The following HMCN2 variants were observed in gnomAD, a reference collection of about 807,000 sequenced individuals.
The protein encoded by HMCN2 is hemicentin 2.
Under a neutral mutation model 377.5 loss-of-function variants are expected in HMCN2, and 325 were observed. That is an observed-to-expected ratio of 0.86 (90% CI 0.79 to 0.94). The LOEUF (loss-of-function observed/expected upper bound fraction) is 0.94. Ranked by LOEUF, HMCN2 falls within the 40% of genes least tolerant of loss-of-function variation. HMCN2 has a pLI of 0.00. For synonymous variants in HMCN2, 2,007 were observed against 2,046.8 expected (o/e 0.98, Z 0.53); for missense variants, 4,543 against 4,725.3 (o/e 0.96, Z 1.13).
Position 130,349,141 on chromosome 9 carries a change from A to T in HMCN2, c.4303+10A>T. 1 of 1,302,380 alleles carries T rather than the reference A, an allele frequency of 7.7e-7. No individual in the cohort carries two copies. The highest frequency in any genetic ancestry group is 1.0e-6 in the Non-Finnish European group (1 of 987,766). 80.7% of individuals were successfully genotyped at this position (1,302,380 alleles called of 1,614,324 possible). A position where few individuals can be genotyped will look rare whatever the true frequency, so the allele number is the denominator to read the frequency against. ...CATCTCCTTGTGCTCAGTGAGTGAG[A>T]CCTGAGCCCTGTAACTCCCAAGTGT... On this transcript the variant is annotated intron_variant, in intron 28 of 97. Coordinates refer to ENST00000683500, the MANE Select transcript of HMCN2 (RefSeq NM_001291815.2).
chr9:130,284,590 C>G lies in HMCN2; in HGVS notation c.260-13C>G, dbSNP rs376071387. The G allele has an allele frequency of 2.5e-4, 117 of 471,230 alleles. 1 individual carries two copies. The highest frequency in any genetic ancestry group is 2.0e-3 in the African/African-American group (100 of 50,236). 29.2% of individuals were successfully genotyped at this position (471,230 alleles called of 1,614,324 possible). ...TCCCAGCCCATCTGGGCGTCCCTCT[C>G]TCTTCTCCACAGATATTGGCCCAGT... On this transcript the variant is annotated splice_polypyrimidine_tract_variant and intron_variant, in intron 1 of 97. Coordinates refer to ENST00000683500, the MANE Select transcript of HMCN2 (RefSeq NM_001291815.2).
At chr9:130,431,541 T>C in intron 96 of HMCN2, 55 bp downstream of exon 96, 1 of 1,530,706 alleles carries the variant, frequency 6.5e-7, no homozygotes, top group Non-Finnish European at 8.8e-7. Context: ...GCAGGCAGCG[T>C]GGGATGGGAC....
At chr9:130,293,644 G>T (rs1835938043) in intron 4 of HMCN2, among the ~76,000 whole-genome samples, 1 of 152,034 alleles carries the variant, frequency 6.6e-6, no homozygotes, top group South Asian at 2.1e-4. Flanking sequence ...TGATAGCTCT[G>T]CCCAGGAGAT....
Position 130,423,391 on chromosome 9 carries a change from C to G in HMCN2, c.13381+665C>G, listed in dbSNP as rs1180181480. Reference sequence around the variant, plus strand: ...CTCTGAAGCTGCCCTTGGCCATGGTCCCGCATGAGCAGTGTGGGGTCAGGG... The same window carrying G: ...CTCTGAAGCTGCCCTTGGCCATGGTGCCGCATGAGCAGTGTGGGGTCAGGG... On this transcript the variant is annotated intron_variant, in intron 87 of 97. Transcript: ENST00000683500. This position sits in a 1 kb window ranked among gnomAD's most constrained non-coding sequence, Gnocchi z 5.5. Among the ~76,000 whole-genome samples, 1 of 152,152 alleles carries G rather than the reference C, an allele frequency of 6.6e-6. No homozygotes were observed. Among genetic ancestry groups the G allele is most frequent in the Non-Finnish European group, 1.5e-5 (1 of 68,020 alleles).
Position 130,422,832 on chromosome 9 carries a change from A to C in HMCN2, c.13381+106A>C. The C allele has an allele frequency of 1.0e-6, 1 of 984,492 alleles. No homozygotes were observed. Among genetic ancestry groups the C allele is most frequent in the Non-Finnish European group, 1.3e-6 (1 of 758,626 alleles). 61.0% of individuals were successfully genotyped at this position (984,492 alleles called of 1,614,324 possible). A position where few individuals can be genotyped will look rare whatever the true frequency, so the allele number is the denominator to read the frequency against. On this transcript the variant is annotated intron_variant, in intron 87 of 97. Transcript: ENST00000683500. The surrounding 1 kb of genome is among the most constrained non-coding windows in gnomAD (Gnocchi z 4.2). Reference sequence around the variant, plus strand: ...GGAGGCGCAGAGCCTGTGCCCCGAGACTTGCTCAAGGCCTGATGACCAGAG... The same window carrying C: ...GGAGGCGCAGAGCCTGTGCCCCGAGCCTTGCTCAAGGCCTGATGACCAGAG...
intron 50 of HMCN2, 40 bp downstream of exon 50, chr9:130,375,776 A>G (rs761362199): frequency 5.1e-6 from 5 of 984,340 alleles, no homozygotes; most frequent in Non-Finnish European, 6.0e-6. Context: ...GGAACAGGTG[A>G]CATGTCATCA....
At chr9:130,331,094 G>T (rs2131436016) in intron 22 of HMCN2, among the ~76,000 whole-genome samples, 1 of 151,452 alleles carries the variant, frequency 6.6e-6, no homozygotes, top group East Asian at 1.9e-4. Flanking sequence ...GGAGGTGAAG[G>T]TTGCAGTGAG....
intron 85 of HMCN2, among the ~76,000 whole-genome samples, chr9:130,415,366 C>G (rs1237386109): frequency 6.6e-6 from 1 of 152,146 alleles, no homozygotes; most frequent in African/African-American, 2.4e-5. Context: ...TTGATGGGGT[C>G]TTGCTCTGTC....
At position 130,432,511 on chromosome 9, in the gene HMCN2, G is replaced by C. The variant is rs1159595026; in HGVS notation, c.14850G>C (p.Val4950=). 6.4e-7 allele frequency: 1 copy of C among 1,550,676 alleles called. No individual in the cohort carries two copies. Among genetic ancestry groups the C allele is most frequent in the Non-Finnish European group, 8.7e-7 (1 of 1,147,012 alleles). ...ACACCCGTGGCAGCTACCAGTGTGT[G>C]GACACACCCTGTCCTGCCACCTACC... ...CFNTRGSYQC[V]DTPCPATYRQ... is the part of the protein sequence containing the mutation. The change falls in exon 97 of 98, where the codon GTG becomes GTC. Residue 4950 remains valine (V), a synonymous_variant. Coordinates refer to ENST00000683500, the MANE Select transcript of HMCN2 (RefSeq NM_001291815.2).
In HMCN2 at chr9:130,407,609, CG is replaced by C; in HGVS notation, c.12595del (p.Ala4199ProfsTer30). On this transcript the variant is annotated frameshift_variant, in exon 83 of 98. Coordinates refer to ENST00000683500, the MANE Select transcript of HMCN2 (RefSeq NM_001291815.2). LOFTEE classifies it high-confidence loss of function. ...SEQDGGSTLQ[R>X]AAVSREDSGT... is the part of the protein sequence containing the mutation. ...GCAGGATGGAGGCAGCACGCTGCAGCGGGCCGCTGTCTCCAGAGAAGACAGC... is the reference window on the plus strand; with the variant it reads ...GCAGGATGGAGGCAGCACGCTGCAGCGGCCGCTGTCTCCAGAGAAGACAGC... 5 of 1,289,072 alleles carry C rather than the reference CG, an allele frequency of 3.9e-6. No individual in the cohort carries two copies. Among genetic ancestry groups the C allele is most frequent in the Non-Finnish European group, 5.1e-6 (5 of 988,538 alleles). 79.9% of individuals were successfully genotyped at this position (1,289,072 alleles called of 1,614,324 possible).
intron 23 of HMCN2, among the ~76,000 whole-genome samples, chr9:130,339,698 C>G (rs1306135134): frequency 6.6e-6 from 1 of 152,200 alleles, no homozygotes; most frequent in Non-Finnish European, 1.5e-5. Context: ...TTGTTTTCAG[C>G]GGTTGTGTGT....
intron 1 of HMCN2, among the ~76,000 whole-genome samples, chr9:130,270,604 A>T (rs1263246945): frequency 6.7e-6 from 1 of 148,738 alleles, no homozygotes; most frequent in Admixed American, 6.7e-5. Flanking sequence ...AAAACAGAAA[A>T]TCTCAATAAA....
At chr9:130,416,173 C>T (rs1020260362) in intron 85 of HMCN2, among the ~76,000 whole-genome samples, 4 of 148,220 alleles carry the variant, frequency 2.7e-5, no homozygotes, top group African/African-American at 1.0e-4. Flanking sequence ...GGCGCGATCT[C>T]GGCTCACTGC....
chr9:130,306,719 T>A, intron 12 of HMCN2, 92 bp from the exon 13 acceptor site: 1 of 414,952 alleles, frequency 2.4e-6, no homozygotes, highest in Non-Finnish European at 5.1e-6. Flanking sequence ...AGAATGGTCG[T>A]CGCTAGTGGC....
intron 80 of HMCN2, among the ~76,000 whole-genome samples, chr9:130,404,169 T>C (rs1384787770): frequency 6.6e-6 from 1 of 152,196 alleles, no homozygotes; most frequent in Non-Finnish European, 1.5e-5. Context: ...ACATGTGCCC[T>C]TCCCTTAGTT....
chr9:130,360,605 G>T lies in HMCN2; in HGVS notation c.5950+1G>T. ...CTGCGGTATGGCCTACGGGTCAATG[G>T]TGAGCTTCCCTGGGCCTACAAGGTC... is the stretch of plus-strand genomic sequence containing the variant. On this transcript the variant is annotated splice_donor_variant, in intron 38 of 97. Transcript: ENST00000683500. LOFTEE classifies it high-confidence loss of function. The surrounding 1 kb of genome is among the most constrained non-coding windows in gnomAD (Gnocchi z 4.7). 2.3e-6 allele frequency: 3 copies of T among 1,286,798 alleles called. No individual in the cohort carries two copies. Among genetic ancestry groups the T allele is most frequent in the Middle Eastern group, 2.2e-4 (1 of 4,632 alleles). 79.7% of individuals were successfully genotyped at this position (1,286,798 alleles called of 1,614,324 possible). A position where few individuals can be genotyped will look rare whatever the true frequency, so the allele number is the denominator to read the frequency against.
intron 25 of HMCN2, among the ~76,000 whole-genome samples, chr9:130,346,018 C>G (rs1214679254): frequency 6.6e-6 from 1 of 152,104 alleles, no homozygotes; most frequent in Non-Finnish European, 1.5e-5. Context: ...TGGGCCCCCG[C>G]TGCCAGGGGC....
chr9:130,397,450 G>A, intron 73 of HMCN2, 78 bp from the exon 74 acceptor site: 1 of 1,231,014 alleles, frequency 8.1e-7, no homozygotes. Context: ...GGGGCAGAGG[G>A]AAGGGTCTTG....
intron 4 of HMCN2, among the ~76,000 whole-genome samples, chr9:130,289,983 G>C (rs938116051): frequency 9.9e-5 from 15 of 152,182 alleles, no homozygotes; most frequent in African/African-American, 3.6e-4. Context: ...GATCCTCGGG[G>C]ATGATTTATC....
Sources: allele counts gnomAD v4.1 joint callset (sites outside exome capture counted in the v4.1 genomes callset), GRCh38; gene constraint gnomAD v4.1.1; non-coding constraint Gnocchi (gnomAD v3.1); transcripts MANE v1.5; gene names NCBI Gene and HGNC (gene_info 2026-07-23, HGNC 2026-07-21).